Variants in PLA2R1 observed in about 807,000 individuals in gnomAD.
The protein encoded by PLA2R1 is secretory phospholipase A2 receptor.
PLA2R1 carries 158 observed loss-of-function variants against 195.9 expected under a neutral mutation model. That is an observed-to-expected ratio of 0.81 (90% CI 0.71 to 0.92). PLA2R1 has a LOEUF of 0.92. Ranked by LOEUF, PLA2R1 falls within the 40% of genes least tolerant of loss-of-function variation. The probability of loss-of-function intolerance (pLI) is 0.00; values close to 1 mark genes in which losing one functional copy is unlikely to be tolerated. For missense variants in PLA2R1, 1,626 were observed against 1,764.6 expected (o/e 0.92, Z 1.41); for synonymous variants, 586 against 598.2 (o/e 0.98, Z 0.30).
In PLA2R1 at chr2:160,039,516, T is replaced by TA. The variant is rs751234834; in HGVS notation, c.667+2508dup. Reference sequence around the variant, plus strand: ...TAGCATCATTTTACATTGAGATATTTAAAAAAATTTCCCACATAAGAAGGA... The same window carrying TA: ...TAGCATCATTTTACATTGAGATATTTAAAAAAAATTTCCCACATAAGAAGGA... On this transcript the variant is annotated intron_variant, in intron 3 of 29. Transcript: ENST00000283243. Among the ~76,000 whole-genome samples the TA allele has an allele frequency of 7.2e-5, 11 of 152,214 alleles. No homozygotes were observed. The East Asian group carries it at 1.7e-3, about 24-fold the overall frequency.
chr2:159,942,973 CTTT>C (rs5835779), intron 28 of PLA2R1, among the ~76,000 whole-genome samples: 9 of 139,370 alleles, frequency 6.5e-5, no homozygotes, highest in Admixed American at 7.2e-5. Flanking sequence ...CAGACTTGTT[CTTT>C]TTTTTTTTTT....
Position 159,937,402 on chromosome 2 carries a change from T to C in PLA2R1, c.*4376A>G, listed in dbSNP as rs1686885494. The stretch of plus-strand genomic sequence containing the variant: ...AGAGCAGCAGATTTAGTTCATTCAA[T>C]TAATACAAAATGTTCATCATAAAAC... On this transcript the variant is annotated 3_prime_UTR_variant, in exon 30 of 30. Coordinates refer to ENST00000283243, the MANE Select transcript of PLA2R1 (RefSeq NM_007366.5). 1 of 152,216 alleles carries C rather than the reference T, an allele frequency of 6.6e-6. No homozygotes were observed. Among genetic ancestry groups the C allele is most frequent in the African/African-American group, 2.4e-5 (1 of 41,454 alleles). The allele number at this position is 152,216 out of a possible 1,614,324, so 9.4% of individuals were successfully genotyped here.
At chr2:159,984,143 AG>A in intron 12 of PLA2R1, 70 bp from the exon 13 acceptor site, 1 of 705,002 alleles carries the variant, frequency 1.4e-6, no homozygotes, top group Non-Finnish European at 2.4e-6. Context: ...TGTTCAAGAA[AG>A]TAACAGTAAT....
At position 160,016,653 on chromosome 2, in the gene PLA2R1, T is replaced by G. The variant is rs141553462; in HGVS notation, c.1512A>C (p.Ala504=). The part of the protein sequence containing the change: ...EERLFYICKK[A]GHVLSDAESG... ...ATTCAGCATCAGAGAGGACATGGCC[T>G]GCTTTTTTACAAATGTAAAAAAGTC... Residue 504 remains alanine, a synonymous_variant, in exon 9 of 30, where the codon GCA becomes GCC. Transcript: ENST00000283243. 1 of 1,610,346 alleles carries G rather than the reference T, an allele frequency of 6.2e-7. No individual in the cohort carries two copies. Among genetic ancestry groups the G allele is most frequent in the African/African-American group, 1.3e-5 (1 of 74,876 alleles).
chr2:159,986,474 A>G (rs1238278918), intron 12 of PLA2R1, among the ~76,000 whole-genome samples: 1 of 152,164 alleles, frequency 6.6e-6, no homozygotes, highest in Admixed American at 6.5e-5. Context: ...TGTCAGAGCT[A>G]GGAACTTACG....
chr2:160,038,541 C>T (rs986909406), intron 3 of PLA2R1, among the ~76,000 whole-genome samples: 4 of 152,092 alleles, frequency 2.6e-5, no homozygotes, highest in African/African-American at 4.8e-5. Context: ...ACATCATCCT[C>T]GCGCATAGAA....
chr2:159,927,421 C>T (rs1415490794), downstream of PLA2R1, among the ~76,000 whole-genome samples: 1 of 152,114 alleles, frequency 6.6e-6, no homozygotes, highest in Non-Finnish European at 1.5e-5. Flanking sequence ...AGAAGCAACC[C>T]ACTTCTTGCT....
At chr2:160,048,002 T>C (rs112730722) in intron 1 of PLA2R1, among the ~76,000 whole-genome samples, 14,062 of 152,202 alleles carry the variant, frequency 0.092, 921 homozygotes, top group East Asian at 0.25. Context: ...ATTGTTTGTT[T>C]GTTTGTTTTT....
chr2:159,955,775 G>A lies in PLA2R1; in HGVS notation c.3076C>T (p.Gln1026Ter), dbSNP rs778238767. The A allele has an allele frequency of 5.5e-5, 88 of 1,594,948 alleles. No homozygotes were observed. The highest frequency in any genetic ancestry group is 7.1e-5 in the Non-Finnish European group (83 of 1,166,024). ...AGCCATGTTTCATAATCATCATTTT[G>A]TAAACCTATCCACACACTGGTGGTC... ...GQTTSVWIGL[Q>*]NDDYETWLNG... is the part of the protein sequence containing the mutation. Residue 1026 changes from glutamine (Q) to a stop codon, truncating the protein, a stop_gained, in exon 22 of 30, where the codon CAA becomes TAA. Coordinates refer to ENST00000283243, the MANE Select transcript of PLA2R1 (RefSeq NM_007366.5). LOFTEE classifies it high-confidence loss of function.
rs148999482 is a variant in PLA2R1 at position 160,004,383 on chromosome 2, G to A, written c.1834+1269C>T. 1.3e-3 allele frequency among the ~76,000 whole-genome samples: 205 copies of A among 152,252 alleles called. 1 individual carries two copies. Among genetic ancestry groups the A allele is most frequent in the African/African-American group, 3.5e-3 (146 of 41,524 alleles). ...CTTTGCCAACCACTGTCTAGAGTTG[G>A]GATTAGCAAACCACCTTGGACTGGA... On this transcript the variant is annotated intron_variant, in intron 11 of 29. Coordinates refer to ENST00000283243, the MANE Select transcript of PLA2R1 (RefSeq NM_007366.5).
intron 13 of PLA2R1, among the ~76,000 whole-genome samples, 170 bp from the exon 14 acceptor site, chr2:159,980,084 T>A (rs1052841861): frequency 1.3e-5 from 2 of 152,130 alleles, no homozygotes; most frequent in Non-Finnish European, 2.9e-5. Context: ...AAAAATATTT[T>A]AAAATATTTA....
At chr2:160,011,940 TTGAG>T (rs1452375377) in intron 10 of PLA2R1, among the ~76,000 whole-genome samples, 1 of 133,042 alleles carries the variant, frequency 7.5e-6, no homozygotes, top group East Asian at 2.3e-4. Context: ...ATCAATCCAT[TTGAG>T]TGTGTGTGTG....
chr2:159,968,868 T>C (rs1364557326), intron 19 of PLA2R1, among the ~76,000 whole-genome samples: 3 of 152,312 alleles, frequency 2.0e-5, no homozygotes, highest in Admixed American at 2.0e-4. Context: ...AAAATGGAAG[T>C]AAATTTCACA....
intron 8 of PLA2R1, among the ~76,000 whole-genome samples, chr2:160,017,986 T>G (rs1218261617): frequency 2.0e-5 from 3 of 152,168 alleles, no homozygotes; most frequent in Non-Finnish European, 4.4e-5. Context: ...AATGAATTGT[T>G]TCCTAGGCTC....
intron 5 of PLA2R1, 126 bp from the exon 6 acceptor site, chr2:160,028,487 T>C: frequency 1.4e-6 from 1 of 706,206 alleles, no homozygotes. Flanking sequence ...TCCTATAAGA[T>C]GTTATCTATG....
intron 10 of PLA2R1, 149 bp from the exon 11 acceptor site, chr2:160,005,970 C>G: frequency 3.2e-6 from 2 of 634,508 alleles, no homozygotes; most frequent in South Asian, 3.8e-5. Context: ...CCCAAAGACC[C>G]TGAACATTAC....
At chr2:159,927,043 G>A (rs1686514046), downstream of PLA2R1, among the ~76,000 whole-genome samples, 1 of 152,126 alleles carries the variant, frequency 6.6e-6, no homozygotes, top group Non-Finnish European at 1.5e-5. Context: ...AAAACTAGAG[G>A]GCAAGGACAC....
At chr2:160,060,733 C>T (rs143221954) in intron 1 of PLA2R1, among the ~76,000 whole-genome samples, 1 of 152,280 alleles carries the variant, frequency 6.6e-6, no homozygotes, top group East Asian at 1.9e-4. Context: ...AGGGATTAGC[C>T]CTTCACTCGG....
chr2:160,032,075 G>A (rs755203399), intron 4 of PLA2R1, among the ~76,000 whole-genome samples: 6 of 152,186 alleles, frequency 3.9e-5, no homozygotes, highest in Admixed American at 1.3e-4. Flanking sequence ...CTGCTGCCAC[G>A]TTTTTATATA....
Sources: allele counts gnomAD v4.1 joint callset (sites outside exome capture counted in the v4.1 genomes callset), GRCh38; gene constraint gnomAD v4.1.1; transcripts MANE v1.5; gene names NCBI Gene and HGNC (gene_info 2026-07-23, HGNC 2026-07-21).